The following CTNNA3 variants were observed in gnomAD, a reference collection of about 807,000 sequenced individuals.
CTNNA3 encodes the protein catenin alpha 3.
Under a neutral mutation model 95.7 loss-of-function variants are expected in CTNNA3, and 76 were observed. The observed-to-expected ratio is 0.79, with a 90% CI of 0.66 to 0.96. CTNNA3 has a LOEUF of 0.96. CTNNA3 is among the 40% of genes least tolerant of loss of function. The pLI is 0.00. For missense variants in CTNNA3, 1,191 were observed against 1,089.8 expected, an observed-to-expected ratio of 1.09 and a Z score of -1.31; for synonymous variants, 431 against 374.4, an observed-to-expected ratio of 1.15 and a Z score of -1.74.
chr10:67,132,516 C>T (rs151025534), intron 7 of CTNNA3, among the ~76,000 whole-genome samples: 54 of 152,034 alleles, frequency 3.6e-4, no homozygotes, highest in Middle Eastern at 3.4e-3. Flanking sequence ...CAAGAATTGA[C>T]GATCCTTTCT....
At chr10:67,342,341 A>T (rs1476040948) in intron 5 of CTNNA3, among the ~76,000 whole-genome samples, 1 of 151,916 alleles carries the variant, frequency 6.6e-6, no homozygotes, top group Non-Finnish European at 1.5e-5. Context: ...TGACCTTGTG[A>T]TCCACCCACC....
chr10:66,231,432 T>C (rs6480150), intron 13 of CTNNA3, among the ~76,000 whole-genome samples: 5,131 of 152,214 alleles, frequency 0.034, 287 homozygotes, highest in African/African-American at 0.12. Context: ...ATTTGAAATA[T>C]TCTAATATCT....
chr10:66,069,248 C>A, intron 15 of CTNNA3, 60 bp downstream of exon 15: 1 of 1,521,960 alleles, frequency 6.6e-7, no homozygotes. Flanking sequence ...TGAGGTTTCA[C>A]TAATATGACT....
intron 7 of CTNNA3, among the ~76,000 whole-genome samples, chr10:67,143,252 C>T (rs1286348746): frequency 6.6e-6 from 1 of 151,644 alleles, no homozygotes; most frequent in East Asian, 1.9e-4. Context: ...ACCAGCCTTG[C>T]CAACATGGCA....
chr10:67,370,619 C>T (rs1235847402), intron 5 of CTNNA3, among the ~76,000 whole-genome samples: 1 of 152,062 alleles, frequency 6.6e-6, no homozygotes, highest in Non-Finnish European at 1.5e-5. Flanking sequence ...CTTCATGGTT[C>T]CTTATAACTA....
intron 9 of CTNNA3, among the ~76,000 whole-genome samples, chr10:66,655,304 G>T (rs887270116): frequency 6.6e-6 from 1 of 151,860 alleles, no homozygotes. Context: ...GATTTTTCAT[G>T]TTTCTTTTTT....
At chr10:67,566,033 A>ATG (rs778991249) in intron 3 of CTNNA3, among the ~76,000 whole-genome samples, 2,733 of 59,762 alleles carry the variant, frequency 0.046, 354 homozygotes, top group South Asian at 0.063. Context: ...ACACACACAT[A>ATG]TGTGTGTGTG....
At position 67,109,568 on chromosome 10, in the gene CTNNA3, G is replaced by A. The variant is rs146096040; in HGVS notation, c.1047+70749C>T. Among the ~76,000 whole-genome samples, 1,262 of 152,300 alleles carry A rather than the reference G, an allele frequency of 8.3e-3. 24 individuals carry two copies. Among genetic ancestry groups the A allele is most frequent in the African/African-American group, 0.029 (1,200 of 41,558 alleles). On this transcript the variant is annotated intron_variant, in intron 7 of 17. Coordinates refer to ENST00000433211, the MANE Select transcript of CTNNA3 (RefSeq NM_013266.4). ...TTCCTACTTAAGAAAATGAAGGCCA[G>A]GCGTGGTAGCTCACGCCTGTAATCC...
intron 13 of CTNNA3, among the ~76,000 whole-genome samples, chr10:66,223,435 C>A (rs1052993384): frequency 2.6e-5 from 4 of 152,124 alleles, no homozygotes; most frequent in African/African-American, 9.7e-5. Context: ...TCTTTTTCTA[C>A]TACGTTCATC....
chr10:67,212,885 T>C (rs1376776805), intron 6 of CTNNA3, among the ~76,000 whole-genome samples: 2 of 151,896 alleles, frequency 1.3e-5, no homozygotes, highest in South Asian at 2.1e-4. Flanking sequence ...TAAATTAGAT[T>C]GGCATGTGAA....
chr10:66,085,274 A>T (rs575394290), intron 14 of CTNNA3, among the ~76,000 whole-genome samples: 6 of 152,170 alleles, frequency 3.9e-5, no homozygotes, highest in Non-Finnish European at 8.8e-5. Context: ...AAGGAAAATA[A>T]ACAAGGAAGA....
intron 7 of CTNNA3, among the ~76,000 whole-genome samples, chr10:66,958,520 T>A (rs1270860235): frequency 6.6e-6 from 1 of 152,090 alleles, no homozygotes; most frequent in Non-Finnish European, 1.5e-5. Context: ...TTGTCACAAA[T>A]GTGCAGCTGG....
chr10:66,707,614 C>T (rs1398139119), intron 9 of CTNNA3, among the ~76,000 whole-genome samples: 4 of 151,974 alleles, frequency 2.6e-5, no homozygotes, highest in Admixed American at 2.6e-4. Flanking sequence ...AGATTACATC[C>T]TTGGACTAGA....
intron 1 of CTNNA3, among the ~76,000 whole-genome samples, chr10:67,721,709 G>A (rs565100601): frequency 1.3e-5 from 2 of 152,182 alleles, no homozygotes; most frequent in East Asian, 3.9e-4. Context: ...TGCTGGCGAG[G>A]AGTTGTGATC....
intron 7 of CTNNA3, among the ~76,000 whole-genome samples, chr10:67,029,126 T>C (rs1057063343): frequency 3.3e-5 from 5 of 152,212 alleles, no homozygotes; most frequent in African/African-American, 1.2e-4. Context: ...GTCTCTCTAC[T>C]GTTCAGCATA....
At chr10:66,477,445 T>C (rs1839366309) in intron 11 of CTNNA3, among the ~76,000 whole-genome samples, 1 of 152,070 alleles carries the variant, frequency 6.6e-6, no homozygotes, top group South Asian at 2.1e-4. Context: ...TAAGTTTAGG[T>C]TTAGTGAGTT....
intron 9 of CTNNA3, among the ~76,000 whole-genome samples, chr10:66,698,981 G>T (rs1847855322): frequency 6.6e-6 from 1 of 152,068 alleles, no homozygotes; most frequent in Non-Finnish European, 1.5e-5. Context: ...AACAAGACTG[G>T]CCTGAGTAGC....
At chr10:67,736,345 G>A (rs1242545240) in intron 1 of CTNNA3, among the ~76,000 whole-genome samples, 12 of 152,078 alleles carry the variant, frequency 7.9e-5, no homozygotes, top group Admixed American at 7.9e-4. Flanking sequence ...TCTGGAAATG[G>A]GTAGTGGTGA....
chr10:67,166,631 T>C (rs760182998), intron 7 of CTNNA3, among the ~76,000 whole-genome samples: 5 of 152,348 alleles, frequency 3.3e-5, no homozygotes, highest in East Asian at 1.9e-4. Context: ...TTGACCATTA[T>C]GGCTAAGGAG....
Sources: gnomAD v4.1 joint callset for allele counts (sites outside exome capture counted in the v4.1 genomes callset) on GRCh38, gnomAD v4.1.1 for gene constraint, MANE v1.5 for transcripts, NCBI Gene and HGNC (gene_info 2026-07-23, HGNC 2026-07-21) for gene names.